The following GALK2 variants were observed in gnomAD, a reference collection of about 807,000 sequenced individuals.
The protein encoded by GALK2 is galactokinase 2.
GALK2 carries 36 observed loss-of-function variants against 52.4 expected under a neutral mutation model. That is an observed-to-expected ratio of 0.69 (90% CI 0.53 to 0.91). The LOEUF is 0.91. Ranked by LOEUF, GALK2 falls within the 40% of genes least tolerant of loss-of-function variation. GALK2 has a pLI of 0.00. For synonymous variants in GALK2, 176 were observed against 199.1 expected (o/e 0.88, Z 0.98); for missense variants, 579 against 559.1 (o/e 1.04, Z -0.36).
chr15:49,204,775 T>A (rs1482252645), intron 2 of GALK2, among the ~76,000 whole-genome samples: 1 of 152,140 alleles, frequency 6.6e-6, no homozygotes, highest in Non-Finnish European at 1.5e-5. Flanking sequence ...TAGTGGTGAT[T>A]TGTGAGATTT....
chr15:49,251,863 A>C (rs1366955894), intron 5 of GALK2, among the ~76,000 whole-genome samples: 1 of 152,236 alleles, frequency 6.6e-6, no homozygotes, highest in Non-Finnish European at 1.5e-5. Flanking sequence ...AGGATCAACC[A>C]CTGTTAAAAG....
intron 3 of GALK2, among the ~76,000 whole-genome samples, chr15:49,352,928 T>A (rs964170844): frequency 6.6e-6 from 1 of 152,218 alleles, no homozygotes; most frequent in South Asian, 2.1e-4. Flanking sequence ...GTGTTCTGTC[T>A]TACTGCAGTG....
intron 3 of GALK2, chr15:49,366,248 A>G (rs2045164170): frequency 1.3e-6 from 1 of 786,418 alleles, no homozygotes; most frequent in Non-Finnish European, 2.4e-6. Context: ...CTTCATATCT[A>G]TAAAGTCTTT....
intron 3 of GALK2, among the ~76,000 whole-genome samples, chr15:49,230,633 CTTA>C (rs2141454976): frequency 6.6e-6 from 1 of 152,266 alleles, no homozygotes; most frequent in East Asian, 1.9e-4. Context: ...TGATGCTACT[CTTA>C]TTATAAATGG....
intron 5 of GALK2, among the ~76,000 whole-genome samples, chr15:49,261,406 T>C (rs2092103269): frequency 6.7e-6 from 1 of 149,072 alleles, no homozygotes; most frequent in Non-Finnish European, 1.5e-5. Context: ...GTGATTTTTG[T>C]ACATTGATTT....
At chr15:49,344,750 A>C (rs2041228767) in intron 3 of GALK2, among the ~76,000 whole-genome samples, 1 of 152,198 alleles carries the variant, frequency 6.6e-6, no homozygotes, top group Non-Finnish European at 1.5e-5. Flanking sequence ...TGGCTGTCAC[A>C]GACTGTGAAG....
At chr15:49,158,679 T>A (rs1477161368) in intron 1 of GALK2, among the ~76,000 whole-genome samples, 1 of 152,044 alleles carries the variant, frequency 6.6e-6, no homozygotes, top group East Asian at 1.9e-4. Context: ...AAGAAAAAAA[T>A]GAAATAAAGG....
intron 1 of GALK2, among the ~76,000 whole-genome samples, chr15:49,163,982 G>A (rs915701946): frequency 3.9e-5 from 6 of 152,060 alleles, no homozygotes; most frequent in African/African-American, 1.4e-4. Flanking sequence ...TGTGTTAGAA[G>A]AGCAGAAAAA....
In GALK2 at chr15:49,328,374, G is replaced by A; in HGVS notation, c.*215G>A. 7.0e-7 allele frequency: 1 copy of A among 1,430,736 alleles called. No individual in the cohort carries two copies. The highest frequency in any genetic ancestry group is 1.6e-5 in the South Asian group (1 of 63,854). The allele number at this position is 1,430,736 out of a possible 1,614,324, so 88.6% of individuals were successfully genotyped here. A position where few individuals can be genotyped will look rare whatever the true frequency, so the allele number is the denominator to read the frequency against. On this transcript the variant is annotated 3_prime_UTR_variant, in exon 10 of 10. Transcript: ENST00000560031. ...ATATGGTTTTACTATTAAGAGCCAAGATCATGCTTGGACAGATCTTTTAAG... is the reference window on the plus strand; with the variant it reads ...ATATGGTTTTACTATTAAGAGCCAAAATCATGCTTGGACAGATCTTTTAAG...
chr15:49,354,902 C>T (rs1054888141), intron 3 of GALK2, among the ~76,000 whole-genome samples: 2 of 152,038 alleles, frequency 1.3e-5, no homozygotes, highest in Non-Finnish European at 2.9e-5. Flanking sequence ...TGAGAACGGG[C>T]AGACTGCCTC....
exon 1 of GALK2, chr15:49,155,798 A>G (rs1370572719): frequency 1.6e-5 from 11 of 690,732 alleles, no homozygotes; most frequent in Middle Eastern, 2.6e-4. Context: ...CTTAGCAACT[A>G]AAGCTGGCAA....
intron 8 of GALK2, among the ~76,000 whole-genome samples, chr15:49,296,050 T>C (rs1469042312): frequency 6.6e-6 from 1 of 152,224 alleles, no homozygotes. Context: ...TGAAGAATAA[T>C]GACTTCATGG....
chr15:49,201,703 T>G (rs1268563582), intron 2 of GALK2, among the ~76,000 whole-genome samples: 1 of 152,228 alleles, frequency 6.6e-6, no homozygotes, highest in Admixed American at 6.5e-5. Flanking sequence ...TACTTTGAAT[T>G]TTACTACCTT....
At chr15:49,234,101 A>G (rs1437301190) in intron 3 of GALK2, among the ~76,000 whole-genome samples, 1 of 152,216 alleles carries the variant, frequency 6.6e-6, no homozygotes, top group Non-Finnish European at 1.5e-5. Context: ...AGTCAGTTAT[A>G]TTAGAGCACT....
chr15:49,184,403 G>A (rs927911779), intron 1 of GALK2, among the ~76,000 whole-genome samples: 2 of 152,006 alleles, frequency 1.3e-5, no homozygotes, highest in Non-Finnish European at 2.9e-5. Flanking sequence ...ACAGATCATT[G>A]GATTTTGTTT....
chr15:49,304,738 A>G (rs1004786185), intron 8 of GALK2, among the ~76,000 whole-genome samples: 12 of 152,256 alleles, frequency 7.9e-5, no homozygotes, highest in African/African-American at 2.9e-4. Flanking sequence ...ACCAATGAGA[A>G]CCAATTTACT....
In GALK2 at chr15:49,322,977, GA is replaced by G. The variant is rs1291134709; in HGVS notation, c.1169+3185del. 3.0e-3 allele frequency among the ~76,000 whole-genome samples: 375 copies of G among 123,070 alleles called. 1 individual carries two copies. The highest frequency in any genetic ancestry group is 0.021 in the East Asian group (86 of 4,192). The allele number at this position is 123,070 out of a possible 152,430, so 80.7% of individuals were successfully genotyped here. A position where few individuals can be genotyped will look rare whatever the true frequency, so the allele number is the denominator to read the frequency against. ...ATCTCAGGTAAAAAAAAAAAAAAAA[GA>G]AAAAAAAAAAAAGATGTCTGGAAAG... On this transcript the variant is annotated intron_variant, in intron 9 of 9. Transcript: ENST00000560031.
intron 8 of GALK2, among the ~76,000 whole-genome samples, chr15:49,295,364 CATCT>C (rs1247104116): frequency 2.7e-5 from 4 of 150,188 alleles, no homozygotes. Flanking sequence ...TAGATAGATT[CATCT>C]ATCTATCATT....
chr15:49,276,490 A>G (rs2031683824), intron 5 of GALK2, among the ~76,000 whole-genome samples: 1 of 152,008 alleles, frequency 6.6e-6, no homozygotes, highest in African/African-American at 2.4e-5. Context: ...TTTGATAGCT[A>G]CTCCTTATTC....
Sources: gnomAD v4.1 joint callset for allele counts (sites outside exome capture counted in the v4.1 genomes callset) on GRCh38, gnomAD v4.1.1 for gene constraint, MANE v1.5 for transcripts, NCBI Gene and HGNC (gene_info 2026-07-23, HGNC 2026-07-21) for gene names.